The following MYO1E variants were observed in gnomAD, a reference collection of about 807,000 sequenced individuals.
The protein encoded by MYO1E is myosin IE, also known as unconventional myosin-Ie.
A neutral mutation model predicts 151.1 loss-of-function variants in MYO1E; 68 were observed. The ratio of observed to expected loss-of-function variants is 0.45; its 90% CI spans 0.37 to 0.55. MYO1E has a LOEUF of 0.55. Among genes scored for constraint, MYO1E ranks in the 20% least tolerant of loss-of-function variants. The pLI is 0.00. For missense variants in MYO1E, 1,363 were observed against 1,389.3 expected, an observed-to-expected ratio of 0.98 and a Z score of 0.30; for synonymous variants, 601 against 501.7, an observed-to-expected ratio of 1.20 and a Z score of -2.64.
chr15:59,320,354 A>G (rs2080618253), intron 1 of MYO1E, among the ~76,000 whole-genome samples: 1 of 152,220 alleles, frequency 6.6e-6, no homozygotes, highest in Admixed American at 6.5e-5. Context: ...AAAAGGGCCC[A>G]AATACAAAAG....
At chr15:59,292,821 A>C (rs2080427703) in intron 1 of MYO1E, among the ~76,000 whole-genome samples, 2 of 152,234 alleles carry the variant, frequency 1.3e-5, no homozygotes, top group Admixed American at 1.3e-4. Flanking sequence ...CTACTACTTC[A>C]GGCATCCACA....
chr15:59,326,312 G>A (rs1404712329), intron 1 of MYO1E, among the ~76,000 whole-genome samples: 1 of 152,084 alleles, frequency 6.6e-6, no homozygotes, highest in Non-Finnish European at 1.5e-5. Flanking sequence ...GAGGTCAGGA[G>A]ATCGAGACCA....
intron 1 of MYO1E, among the ~76,000 whole-genome samples, chr15:59,337,108 G>C (rs1596426667): frequency 1.3e-5 from 2 of 151,986 alleles, no homozygotes; most frequent in African/African-American, 4.8e-5. Flanking sequence ...CTTTTACAAA[G>C]CACTTCTACT....
intron 10 of MYO1E, among the ~76,000 whole-genome samples, chr15:59,216,666 G>GTA (rs368761394): frequency 0.28 from 8,448 of 29,954 alleles, 1,817 homozygotes; most frequent in Non-Finnish European, 0.43. Context: ...GTGTGTATGT[G>GTA]TATATATATA....
intron 1 of MYO1E, among the ~76,000 whole-genome samples, chr15:59,328,914 A>T (rs577696948): frequency 6.6e-6 from 1 of 152,284 alleles, no homozygotes; most frequent in South Asian, 2.1e-4. Flanking sequence ...ATTTACAGAC[A>T]AGGAAACTAG....
rs149506538 is a variant in MYO1E at position 59,276,289 on chromosome 15, G to A, written c.4-3840C>T. ...CTACTACTTCATGACTCTCAGGCGA[G>A]CTTCATTTTTGAGTAATTCCCTTTT... On this transcript the variant is annotated intron_variant, in intron 1 of 27. Transcript: ENST00000288235. 5.5e-3 allele frequency among the ~76,000 whole-genome samples: 839 copies of A among 152,204 alleles called. 8 individuals are homozygous for A. Among genetic ancestry groups the A allele is most frequent in the African/African-American group, 0.019 (809 of 41,532 alleles).
chr15:59,365,343 G>C (rs1348500603), intron 1 of MYO1E, among the ~76,000 whole-genome samples: 1 of 152,086 alleles, frequency 6.6e-6, no homozygotes, highest in Non-Finnish European at 1.5e-5. Flanking sequence ...TTCTTATAAT[G>C]AAGTTAGTAC....
intron 22 of MYO1E, among the ~76,000 whole-genome samples, chr15:59,170,557 C>T (rs1176170496): frequency 2.0e-5 from 3 of 151,746 alleles, no homozygotes; most frequent in Non-Finnish European, 4.4e-5. Flanking sequence ...TTAGGAAGGC[C>T]TTCAGAAAAT....
At chr15:59,140,451 A>G (rs1256629353) in intron 26 of MYO1E, among the ~76,000 whole-genome samples, 1 of 152,234 alleles carries the variant, frequency 6.6e-6, no homozygotes, top group African/African-American at 2.4e-5. Flanking sequence ...AGGACAAACC[A>G]AAGTAAAGGC....
chr15:59,371,509 C>A (rs1180949825), intron 1 of MYO1E, among the ~76,000 whole-genome samples: 1 of 151,120 alleles, frequency 6.6e-6, no homozygotes, highest in Non-Finnish European at 1.5e-5. Context: ...AAGAAAAGTA[C>A]ACCACGCCAA....
Position 59,292,737 on chromosome 15 carries a change from T to C in MYO1E, c.4-20288A>G, listed in dbSNP as rs116807074. Among the ~76,000 whole-genome samples the C allele has an allele frequency of 3.0e-3, 456 of 152,336 alleles. 2 individuals carry two copies. Among genetic ancestry groups the C allele is most frequent in the African/African-American group, 0.011 (437 of 41,574 alleles). ...AACTGAACTGCGACAGTACTACAGC[T>C]ACAAACAAGACCGCGAAATGAGCGT... On this transcript the variant is annotated intron_variant, in intron 1 of 27. Transcript: ENST00000288235.
At chr15:59,239,096 C>T (rs981374841) in intron 4 of MYO1E, among the ~76,000 whole-genome samples, 8 of 151,312 alleles carry the variant, frequency 5.3e-5, no homozygotes, top group African/African-American at 1.9e-4. Context: ...ATCCCAGCTA[C>T]TCAGGAGGCT....
At chr15:59,218,488 TCTTC>T (rs2079933802) in intron 9 of MYO1E, among the ~76,000 whole-genome samples, 1 of 152,246 alleles carries the variant, frequency 6.6e-6, no homozygotes, top group African/African-American at 2.4e-5. Context: ...AATATTGTTT[TCTTC>T]CTTTTTAGTA....
At chr15:59,269,329 C>T (rs999374061) in intron 2 of MYO1E, among the ~76,000 whole-genome samples, 22 of 152,128 alleles carry the variant, frequency 1.4e-4, no homozygotes, top group African/African-American at 4.1e-4. Context: ...CAAAACGTTT[C>T]GGTCACCAAA....
chr15:59,370,020 A>G (rs1172457428), intron 1 of MYO1E, among the ~76,000 whole-genome samples: 1 of 152,084 alleles, frequency 6.6e-6, no homozygotes, highest in African/African-American at 2.4e-5. Flanking sequence ...TATGTTACCC[A>G]GGATGGTCTT....
intron 17 of MYO1E, among the ~76,000 whole-genome samples, chr15:59,194,963 G>A (rs1052191363): frequency 6.6e-6 from 1 of 151,722 alleles, no homozygotes; most frequent in African/African-American, 2.4e-5. Context: ...TCATCAATAC[G>A]GTGCTTAGGG....
intron 25 of MYO1E, among the ~76,000 whole-genome samples, chr15:59,154,652 G>A (rs1400543150): frequency 1.3e-5 from 2 of 152,144 alleles, no homozygotes; most frequent in East Asian, 1.9e-4. Flanking sequence ...ATGACCCTTA[G>A]GAAAGGATTA....
At chr15:59,355,645 T>A (rs2080848728) in intron 1 of MYO1E, among the ~76,000 whole-genome samples, 1 of 152,238 alleles carries the variant, frequency 6.6e-6, no homozygotes, top group Non-Finnish European at 1.5e-5. Context: ...CATGCAATTT[T>A]AAAAAGCAAA....
At chr15:59,336,429 A>G (rs2080728951) in intron 1 of MYO1E, among the ~76,000 whole-genome samples, 1 of 152,066 alleles carries the variant, frequency 6.6e-6, no homozygotes. Flanking sequence ...AAGGTAAATA[A>G]GGTTTATTTA....
Sources: allele counts gnomAD v4.1 joint callset (sites outside exome capture counted in the v4.1 genomes callset), GRCh38; gene constraint gnomAD v4.1.1; transcripts MANE v1.5; gene names NCBI Gene and HGNC (gene_info 2026-07-23, HGNC 2026-07-21).